ABL2: variants seen among roughly 807,000 people sequenced by gnomAD.
The protein encoded by ABL2 is tyrosine-protein kinase ABL2.
ABL2 carries 49 observed loss-of-function variants against 107.7 expected under a neutral mutation model. The ratio of observed to expected loss-of-function variants is 0.45; its 90% CI spans 0.36 to 0.58. ABL2 has a LOEUF of 0.58. Among genes scored for constraint, ABL2 ranks in the 20% least tolerant of loss-of-function variants. The pLI is 0.00. For synonymous variants in ABL2, 549 were observed against 548.6 expected (o/e 1.00, Z -0.01); for missense variants, 1,245 against 1,457.0 (o/e 0.85, Z 2.37).
At position 179,193,269 on chromosome 1, in the gene ABL2, C is replaced by T. The variant is rs28914468; in HGVS notation, c.157+35972G>A. On this transcript the variant is annotated intron_variant, in intron 1 of 11. Coordinates refer to ENST00000502732, the MANE Select transcript of ABL2 (RefSeq NM_007314.4). ...CCAGAAAAAGTGGCCAATGAAATCACACAAAATTTCTAAACTTTAAAAATG... is the reference window on the plus strand; with the variant it reads ...CCAGAAAAAGTGGCCAATGAAATCATACAAAATTTCTAAACTTTAAAAATG... 4.7e-3 allele frequency among the ~76,000 whole-genome samples: 713 copies of T among 151,914 alleles called. 8 individuals carry two copies. The highest frequency in any genetic ancestry group is 0.016 in the African/African-American group (658 of 41,448).
At chr1:179,128,451 A>C (rs1471862717) in intron 3 of ABL2, among the ~76,000 whole-genome samples, 2 of 152,170 alleles carry the variant, frequency 1.3e-5, no homozygotes, top group Non-Finnish European at 2.9e-5. Flanking sequence ...CTTTGTATAT[A>C]TATCTATATA....
intron 1 of ABL2, 34 bp downstream of exon 1, chr1:179,229,207 C>CCCCCCCCCCCCCCCACCA: frequency 6.7e-7 from 1 of 1,485,454 alleles, no homozygotes; most frequent in Non-Finnish European, 9.0e-7. Flanking sequence ...CCGGCCTCCC[C>CCCCCCCCCCCCCCCACCA]CACGCTCTCA....
Position 179,199,340 on chromosome 1 carries a change from TAAAA to T in ABL2, c.157+29897_157+29900del, listed in dbSNP as rs368742613. On this transcript the variant is annotated intron_variant, in intron 1 of 11. Coordinates refer to ENST00000502732, the MANE Select transcript of ABL2 (RefSeq NM_007314.4). ...TATGATATTCCTAGTTCTTAAACTA[TAAAA>T]AGTCTCAGTGGGTGATTGTGGAGAT... Among the ~76,000 whole-genome samples the T allele has an allele frequency of 2.1e-3, 317 of 152,328 alleles. 2 individuals are homozygous for T. The highest frequency in any genetic ancestry group is 7.3e-3 in the African/African-American group (303 of 41,566).
intron 1 of ABL2, among the ~76,000 whole-genome samples, chr1:179,144,694 A>G (rs1657871611): frequency 6.6e-6 from 1 of 152,040 alleles, no homozygotes; most frequent in Non-Finnish European, 1.5e-5. Flanking sequence ...ATTATTAACT[A>G]TTTAAAATAA....
At chr1:179,166,776 CAAAAAA>C (rs34173352) in intron 1 of ABL2, among the ~76,000 whole-genome samples, 2 of 75,394 alleles carry the variant, frequency 2.7e-5, no homozygotes, top group Non-Finnish European at 4.8e-5. Flanking sequence ...GACTTCATCT[CAAAAAA>C]AAAAAAAAAA....
chr1:179,198,286 C>A (rs914974738), intron 1 of ABL2, among the ~76,000 whole-genome samples: 1 of 151,582 alleles, frequency 6.6e-6, no homozygotes, highest in Non-Finnish European at 1.5e-5. Flanking sequence ...ATAAATGAGA[C>A]AAAATGTTGA....
At chr1:179,179,051 A>C (rs1448658171) in intron 1 of ABL2, among the ~76,000 whole-genome samples, 1 of 152,258 alleles carries the variant, frequency 6.6e-6, no homozygotes, top group Non-Finnish European at 1.5e-5. Context: ...TTGATAAAAC[A>C]GTGGAAATTA....
chr1:179,123,065 T>C (rs914428324), intron 4 of ABL2, among the ~76,000 whole-genome samples: 2 of 152,216 alleles, frequency 1.3e-5, no homozygotes, highest in Non-Finnish European at 2.9e-5. Context: ...TGGCCTCTTG[T>C]AGAAATTTAC....
chr1:179,191,435 T>A (rs1417729706), intron 1 of ABL2, among the ~76,000 whole-genome samples: 1 of 145,888 alleles, frequency 6.9e-6, no homozygotes, highest in Non-Finnish European at 1.5e-5. Context: ...TTTTTTTTTT[T>A]TTGAGACGGA....
At position 179,229,462 on chromosome 1, in the gene ABL2, T is replaced by A; in HGVS notation, c.-65A>T. The A allele has an allele frequency of 1.4e-6, 2 of 1,410,934 alleles. No homozygotes were observed. Among genetic ancestry groups the A allele is most frequent in the Non-Finnish European group, 1.8e-6 (2 of 1,088,646 alleles). The allele number at this position is 1,410,934 out of a possible 1,614,324, so 87.4% of individuals were successfully genotyped here. ...GTCACATTCCTCCTCGGCTCCGGCC[T>A]CGGGCTCCTGGCGCTGCTCCGGTCT... On this transcript the variant is annotated 5_prime_UTR_variant, in exon 1 of 12. Transcript: ENST00000502732.
intron 1 of ABL2, among the ~76,000 whole-genome samples, chr1:179,192,551 A>G (rs1661081590): frequency 6.6e-6 from 1 of 152,180 alleles, no homozygotes; most frequent in Non-Finnish European, 1.5e-5. Context: ...ATGGCACACC[A>G]ATTCACCCAT....
In ABL2 at chr1:179,121,684, T is replaced by G. The variant is rs533638410; in HGVS notation, c.871A>C (p.Lys291Gln). The change falls in exon 5 of 12, where the codon AAG becomes CAG. Residue 291 changes from lysine (K) to glutamine (Q), a missense_variant. Physicochemically the swap from Lys to Gln is moderately conservative, Grantham distance 53. Around this residue, in one of 3 missense-constraint regions of ABL2, gnomAD observed 320 missense variants for 547.0 expected, o/e 0.59. Transcript: ENST00000502732. ...TACTGACCGCCCCCAAGTTTGTGCTTCATGGTAATATCTGTTCGCTCCATT... is the reference window on the plus strand; with the variant it reads ...TACTGACCGCCCCCAAGTTTGTGCTGCATGGTAATATCTGTTCGCTCCATT... ...WEMERTDITMKHKLGGGQYGE... is the reference protein window; with the variant it reads ...WEMERTDITMQHKLGGGQYGE... 6.2e-7 allele frequency: 1 copy of G among 1,614,136 alleles called. No individual in the cohort carries two copies. The highest frequency in any genetic ancestry group is 1.1e-5 in the South Asian group (1 of 91,084).
In ABL2 at chr1:179,126,684, G is replaced by A; in HGVS notation, c.392-12C>T. The A allele has an allele frequency of 6.2e-7, 1 of 1,602,338 alleles. No individual in the cohort carries two copies. The highest frequency in any genetic ancestry group is 2.2e-5 in the East Asian group (1 of 44,590). On this transcript the variant is annotated splice_polypyrimidine_tract_variant and intron_variant, in intron 3 of 11. Coordinates refer to ENST00000502732, the MANE Select transcript of ABL2 (RefSeq NM_007314.4). The surrounding 1 kb of genome is among the most constrained non-coding windows in gnomAD (Gnocchi z 4.4). ...TCGTAGCTTTTCACCTAGCCATAAG[G>A]TCATCACAGGATGAAAGAAACGATG... is the stretch of plus-strand genomic sequence containing the variant.
At position 179,156,294 on chromosome 1, in the gene ABL2, A is replaced by G. The variant is rs186977725; in HGVS notation, c.158-22920T>C. 2.7e-3 allele frequency among the ~76,000 whole-genome samples: 410 copies of G among 152,316 alleles called. 2 individuals are homozygous for G. The highest frequency in any genetic ancestry group is 9.5e-3 in the African/African-American group (393 of 41,576). ...ACCAAGAGAAACAAAGCACCTATTC[A>G]CTACCCTTATTTCAGCAGCTACTGG... On this transcript the variant is annotated intron_variant, in intron 1 of 11. Transcript: ENST00000502732.
chr1:179,212,820 G>A (rs112902861), intron 1 of ABL2, among the ~76,000 whole-genome samples: 3,887 of 151,434 alleles, frequency 0.026, 128 homozygotes, highest in Admixed American at 0.065. Flanking sequence ...GCCGAGGCAA[G>A]AGGATCACCT....
intron 1 of ABL2, 59 bp downstream of exon 1, chr1:179,229,182 G>GAGGCGCCCC: frequency 4.9e-6 from 1 of 202,522 alleles, no homozygotes; most frequent in African/African-American, 1.6e-4. Flanking sequence ...CACCCACCCC[G>GAGGCGCCCC]CCCCGACCCC....
rs1410274528 is a variant in ABL2 at position 179,100,935 on chromosome 1, A to G, written c.*6783T>C. ...AACAATTTCAAAGTTAGAGATGTAC[A>G]TGGGGATGAAGAAGTAAGTGCACTT... On this transcript the variant is annotated 3_prime_UTR_variant, in exon 12 of 12. Transcript: ENST00000502732. 4.3e-6 allele frequency: 1 copy of G among 232,620 alleles called. No individual in the cohort carries two copies. Among genetic ancestry groups the G allele is most frequent in the Non-Finnish European group, 8.5e-6 (1 of 117,742 alleles). The allele number at this position is 232,620 out of a possible 1,614,324, so 14.4% of individuals were successfully genotyped here.
chr1:179,135,258 C>CG lies in ABL2; in HGVS notation c.158-1885dup, dbSNP rs541258361. On this transcript the variant is annotated intron_variant, in intron 1 of 11. Coordinates refer to ENST00000502732, the MANE Select transcript of ABL2 (RefSeq NM_007314.4). ...CTGGAAAGTGAGGAGCATCTCTGCC[C>CG]GGGCCGCCATCCCATCTAGGAAGTG... 2.2e-3 allele frequency among the ~76,000 whole-genome samples: 333 copies of CG among 151,826 alleles called. 3 individuals are homozygous for CG. Among genetic ancestry groups the CG allele is most frequent in the African/African-American group, 7.4e-3 (307 of 41,328 alleles).
intron 1 of ABL2, among the ~76,000 whole-genome samples, chr1:179,171,098 A>T (rs1659691272): frequency 1.3e-5 from 2 of 152,248 alleles, no homozygotes; most frequent in Admixed American, 6.5e-5. Context: ...GTATTAGCAT[A>T]ATTAATAAAA....
Sources: allele counts gnomAD v4.1 joint callset (sites outside exome capture counted in the v4.1 genomes callset), GRCh38; gene constraint gnomAD v4.1.1; regional missense constraint gnomAD v4.1.1; non-coding constraint Gnocchi (gnomAD v3.1); transcripts MANE v1.5; gene names NCBI Gene and HGNC (gene_info 2026-07-23, HGNC 2026-07-21).